ERC2: variants seen among roughly 807,000 people sequenced by gnomAD.
ERC2 encodes the protein ELKS/RAB6-interacting/CAST family member 2.
Under a neutral mutation model 114.8 loss-of-function variants are expected in ERC2, and 42 were observed. That is an observed-to-expected ratio of 0.37 (90% confidence interval 0.29 to 0.47). The LOEUF (loss-of-function observed/expected upper bound fraction) is 0.47, where lower values mean the gene tolerates loss of function less well. Ranked by LOEUF, ERC2 falls within the 20% of genes least tolerant of loss-of-function variation. The pLI is 0.99. For missense variants in ERC2, 939 were observed against 1,150.7 expected (o/e 0.82, Z 2.66); for synonymous variants, 454 against 425.5 (o/e 1.07, Z -0.82).
chr3:55,618,347 T>C (rs1050798300), intron 17 of ERC2, among the ~76,000 whole-genome samples: 2 of 152,190 alleles, frequency 1.3e-5, no homozygotes, highest in Non-Finnish European at 2.9e-5. Flanking sequence ...TTTATCAATA[T>C]TAATGTGCAA....
intron 13 of ERC2, among the ~76,000 whole-genome samples, chr3:55,917,382 T>C (rs1021963571): frequency 1.3e-5 from 2 of 152,252 alleles, no homozygotes; most frequent in South Asian, 2.1e-4. Flanking sequence ...GATATATCCA[T>C]ATAGCCATGC....
chr3:56,348,967 A>G (rs796225217), intron 2 of ERC2, among the ~76,000 whole-genome samples: 9 of 94,808 alleles, frequency 9.5e-5, no homozygotes, highest in African/African-American at 2.8e-4. Context: ...AAAGAAAGAA[A>G]GAAGGAAAGA....
Position 56,308,348 on chromosome 3 carries a change from A to G in ERC2, c.658-11913T>C, listed in dbSNP as rs140900705. Among the ~76,000 whole-genome samples the G allele has an allele frequency of 1.3e-4, 20 of 152,338 alleles. No individual in the cohort carries two copies. In the East Asian group the frequency reaches 3.9e-3, roughly 29 times the overall value. On this transcript the variant is annotated intron_variant, in intron 2 of 17. Coordinates refer to ENST00000288221, the MANE Select transcript of ERC2 (RefSeq NM_015576.3). ...TATTCATTCAGTTCTGAAAGAAGTTACAATGAAAATACAAGAAACTAAGCC... is the reference window on the plus strand; with the variant it reads ...TATTCATTCAGTTCTGAAAGAAGTTGCAATGAAAATACAAGAAACTAAGCC...
chr3:55,737,720 T>C (rs1173247064), intron 14 of ERC2, among the ~76,000 whole-genome samples: 1 of 152,222 alleles, frequency 6.6e-6, no homozygotes, highest in Non-Finnish European at 1.5e-5. Context: ...ATATTTATGT[T>C]TGTTGAGAAA....
intron 14 of ERC2, among the ~76,000 whole-genome samples, chr3:55,843,274 G>A (rs1190280118): frequency 2.0e-5 from 3 of 152,206 alleles, no homozygotes; most frequent in East Asian, 3.9e-4. Context: ...TTTGGACCAA[G>A]AGATGGAAAC....
intron 14 of ERC2, among the ~76,000 whole-genome samples, chr3:55,762,160 G>A (rs754434544): frequency 5.3e-5 from 8 of 152,116 alleles, no homozygotes; most frequent in Non-Finnish European, 1.2e-4. Context: ...ACTAATACAC[G>A]AAGATAGGAG....
At chr3:55,770,064 G>A (rs193252113) in intron 14 of ERC2, among the ~76,000 whole-genome samples, 8 of 152,292 alleles carry the variant, frequency 5.3e-5, no homozygotes, top group Admixed American at 3.9e-4. Flanking sequence ...AAAGTAATGC[G>A]TGCAAACTGC....
intron 2 of ERC2, among the ~76,000 whole-genome samples, chr3:56,391,112 C>T (rs1164915150): frequency 6.6e-6 from 1 of 152,208 alleles, no homozygotes; most frequent in Admixed American, 6.5e-5. Flanking sequence ...AATCAGACCA[C>T]AACATACCTT....
chr3:55,608,621 A>G (rs556282673), intron 17 of ERC2, among the ~76,000 whole-genome samples: 1 of 152,298 alleles, frequency 6.6e-6, no homozygotes, highest in Admixed American at 6.5e-5. Flanking sequence ...TCCTTCTGAA[A>G]AAATAAAATG....
chr3:55,774,599 G>A (rs73076937), intron 14 of ERC2, among the ~76,000 whole-genome samples: 6,058 of 152,278 alleles, frequency 0.04, 146 homozygotes, highest in Middle Eastern at 0.1. Context: ...GCTTTGCAGA[G>A]CCAGGCCTTC....
chr3:56,065,430 C>T (rs933241669), intron 7 of ERC2, among the ~76,000 whole-genome samples: 4 of 151,922 alleles, frequency 2.6e-5, no homozygotes, highest in African/African-American at 7.2e-5. Flanking sequence ...CTCTGTTCCC[C>T]GGGCTGCTCT....
chr3:56,125,804 T>C (rs1182553691), intron 6 of ERC2, among the ~76,000 whole-genome samples: 2 of 152,202 alleles, frequency 1.3e-5, no homozygotes, highest in African/African-American at 4.8e-5. Context: ...TGGAATAATT[T>C]AGCAGCAACA....
At chr3:55,785,422 C>T (rs1204137468) in intron 14 of ERC2, among the ~76,000 whole-genome samples, 1 of 152,242 alleles carries the variant, frequency 6.6e-6, no homozygotes, top group Non-Finnish European at 1.5e-5. Context: ...TAACCTCCAT[C>T]CCTTGCTGTA....
At chr3:55,696,269 A>C (rs901257605) in intron 16 of ERC2, among the ~76,000 whole-genome samples, 4 of 152,226 alleles carry the variant, frequency 2.6e-5, no homozygotes, top group Non-Finnish European at 5.9e-5. Context: ...CTCCATTTTC[A>C]TGTGTTCTGA....
chr3:55,520,406 A>C (rs1435847034), intron 17 of ERC2, among the ~76,000 whole-genome samples: 1 of 143,276 alleles, frequency 7.0e-6, no homozygotes, highest in Admixed American at 7.2e-5. Context: ...ACTGCACTCC[A>C]GCCTGGGAGA....
At chr3:55,633,920 G>A (rs2059854437) in intron 17 of ERC2, among the ~76,000 whole-genome samples, 1 of 152,190 alleles carries the variant, frequency 6.6e-6, no homozygotes, top group African/African-American at 2.4e-5. Context: ...AGGGTCCCGG[G>A]TGGGAAATGC....
chr3:56,149,336 A>G (rs886156018), intron 4 of ERC2, among the ~76,000 whole-genome samples: 6 of 152,300 alleles, frequency 3.9e-5, no homozygotes, highest in Non-Finnish European at 7.4e-5. Flanking sequence ...AATCAAGACC[A>G]TGTGTCAATA....
chr3:56,285,032 TA>T (rs2054596416), intron 3 of ERC2, among the ~76,000 whole-genome samples: 1 of 106,782 alleles, frequency 9.4e-6, no homozygotes, highest in African/African-American at 3.7e-5. Context: ...CACACACACA[TA>T]CACACACACA....
At position 56,127,453 on chromosome 3, in the gene ERC2, C is replaced by T. The variant is rs149502257; in HGVS notation, c.1473+12056G>A. Among the ~76,000 whole-genome samples, 284 of 152,244 alleles carry T rather than the reference C, an allele frequency of 1.9e-3. 4 individuals are homozygous for T. In the South Asian group the frequency reaches 0.039, roughly 21 times the overall value. On this transcript the variant is annotated intron_variant, in intron 6 of 17. Coordinates refer to ENST00000288221, the MANE Select transcript of ERC2 (RefSeq NM_015576.3). ...GCTATAGTAAACAAACCAGGCTGGC[C>T]GCAGTAGCTCACACCTGTAATCCCA...
Sources: allele counts gnomAD v4.1 joint callset (sites outside exome capture counted in the v4.1 genomes callset), GRCh38; gene constraint gnomAD v4.1.1; transcripts MANE v1.5; gene names NCBI Gene and HGNC (gene_info 2026-07-23, HGNC 2026-07-21).